PHF20: variants seen among roughly 807,000 people sequenced by gnomAD.
The protein encoded by PHF20 is glioma-expressed antigen 2.
A neutral mutation model predicts 113.5 loss-of-function variants in PHF20; 23 were observed. The ratio of observed to expected loss-of-function variants is 0.20; its 90% CI spans 0.15 to 0.29. The LOEUF is 0.29. Among genes scored for constraint, PHF20 ranks in the 10% least tolerant of loss-of-function variants. PHF20 has a pLI of 1.00. For missense variants in PHF20, 943 were observed against 1,219.6 expected (o/e 0.77, Z 3.38); for synonymous variants, 434 against 457.3 (o/e 0.95, Z 0.65).
At chr20:35,811,620 A>G (rs1432438406) in intron 2 of PHF20, among the ~76,000 whole-genome samples, 1 of 149,578 alleles carries the variant, frequency 6.7e-6, no homozygotes, top group Non-Finnish European at 1.5e-5. Context: ...TTTTTTTTGT[A>G]TTTAGTAGGG....
At chr20:35,786,479 GGAT>G (rs1192800814) in intron 1 of PHF20, among the ~76,000 whole-genome samples, 1 of 152,160 alleles carries the variant, frequency 6.6e-6, no homozygotes, top group East Asian at 1.9e-4. Context: ...CGAGGCGGGT[GGAT>G]CACAAGGCCA....
In PHF20 at chr20:35,817,571, T is replaced by C. The variant is rs10427431; in HGVS notation, c.83+15966T>C. On this transcript the variant is annotated intron_variant, in intron 2 of 17. Coordinates refer to ENST00000374012, the MANE Select transcript of PHF20 (RefSeq NM_016436.5). ...GCACTTTGGGAGGCCAAGGTGGGCA[T>C]ATTGCTTTGAGCTCAGGAGTTCAAC... is the stretch of plus-strand genomic sequence containing the variant. 2.5e-3 allele frequency among the ~76,000 whole-genome samples: 386 copies of C among 151,708 alleles called. 3 individuals are homozygous for C. Among genetic ancestry groups the C allele is most frequent in the African/African-American group, 8.6e-3 (357 of 41,402 alleles).
chr20:35,832,101 A>T (rs6088943), intron 2 of PHF20, among the ~76,000 whole-genome samples: 7,762 of 152,084 alleles, frequency 0.051, 247 homozygotes, highest in Middle Eastern at 0.071. Flanking sequence ...CCTCTGTACT[A>T]TGCTGATTTA....
chr20:35,943,536 AATAT>A (rs754483441), intron 17 of PHF20, among the ~76,000 whole-genome samples: 1 of 148,222 alleles, frequency 6.7e-6, no homozygotes, highest in African/African-American at 2.5e-5. Flanking sequence ...TATTATATGA[AATAT>A]ATATATATAT....
intron 4 of PHF20, 51 bp downstream of exon 4, chr20:35,847,485 G>T: frequency 8.9e-7 from 1 of 1,122,274 alleles, no homozygotes; most frequent in South Asian, 1.3e-5. Context: ...GGTGGTGGGG[G>T]GGGATGTTTG....
chr20:35,815,219 G>A (rs1175202870), intron 2 of PHF20, among the ~76,000 whole-genome samples: 2 of 151,980 alleles, frequency 1.3e-5, no homozygotes, highest in South Asian at 2.1e-4. Flanking sequence ...AAATAAATAA[G>A]TAAATAAATA....
chr20:35,809,544 A>G (rs1438755125), intron 2 of PHF20, among the ~76,000 whole-genome samples: 1 of 148,144 alleles, frequency 6.8e-6, no homozygotes, highest in Non-Finnish European at 1.5e-5. Context: ...GTGCCACTAC[A>G]CTTCAGCCTG....
chr20:35,865,448 A>T (rs548563827), intron 6 of PHF20, among the ~76,000 whole-genome samples: 7 of 151,676 alleles, frequency 4.6e-5, no homozygotes, highest in East Asian at 3.9e-4. Context: ...AATTTTTTTT[A>T]AAGTACTGGA....
intron 4 of PHF20, among the ~76,000 whole-genome samples, chr20:35,849,175 A>G (rs2042674504): frequency 6.6e-6 from 1 of 152,140 alleles, no homozygotes; most frequent in South Asian, 2.1e-4. Context: ...TGAAACAGAA[A>G]GTTAGTGGGG....
At chr20:35,943,609 CTTTATTTA>C (rs746118909) in intron 17 of PHF20, among the ~76,000 whole-genome samples, 3 of 148,724 alleles carry the variant, frequency 2.0e-5, no homozygotes, top group Non-Finnish European at 4.4e-5. Context: ...ATGAATAGTA[CTTTATTTA>C]TTTATTTATT....
chr20:35,798,262 A>C (rs758190241), intron 1 of PHF20, among the ~76,000 whole-genome samples: 1 of 151,722 alleles, frequency 6.6e-6, no homozygotes. Context: ...CCAGATAACA[A>C]ATTAGCTGGG....
At chr20:35,884,869 C>T (rs1252877132) in intron 9 of PHF20, among the ~76,000 whole-genome samples, 8 of 152,128 alleles carry the variant, frequency 5.3e-5, no homozygotes, top group South Asian at 2.1e-4. Context: ...CTCACTCTTT[C>T]GCCCAAGCTG....
At chr20:35,849,523 G>T (rs2042681729) in intron 4 of PHF20, 1 of 469,434 alleles carries the variant, frequency 2.1e-6, no homozygotes, top group Non-Finnish European at 4.4e-6. Flanking sequence ...TTTGTGTGTG[G>T]GATGGATCAG....
At chr20:35,808,365 G>A (rs951486808) in intron 2 of PHF20, among the ~76,000 whole-genome samples, 3 of 151,996 alleles carry the variant, frequency 2.0e-5, no homozygotes, top group African/African-American at 7.3e-5. Flanking sequence ...GACTTTAACA[G>A]GAACGCATCC....
chr20:35,890,356 T>C (rs2054826816), intron 9 of PHF20, among the ~76,000 whole-genome samples: 1 of 152,214 alleles, frequency 6.6e-6, no homozygotes, highest in Non-Finnish European at 1.5e-5. Flanking sequence ...ATATTTTTGC[T>C]GAATGCATAA....
intron 15 of PHF20, among the ~76,000 whole-genome samples, chr20:35,933,144 T>C (rs1398332478): frequency 2.0e-5 from 3 of 152,202 alleles, no homozygotes; most frequent in Admixed American, 1.3e-4. Context: ...TCTTGCTTTA[T>C]TTCCCAGGCT....
intron 13 of PHF20, among the ~76,000 whole-genome samples, chr20:35,924,836 G>A (rs2055595335): frequency 6.6e-6 from 1 of 151,824 alleles, no homozygotes; most frequent in Admixed American, 6.6e-5. Context: ...CCTGACTTCA[G>A]GATATCCTCC....
intron 2 of PHF20, among the ~76,000 whole-genome samples, chr20:35,803,684 A>ATATGTGTGTGTGTG (rs1555917992): frequency 6.9e-5 from 10 of 144,338 alleles, no homozygotes; most frequent in African/African-American, 2.7e-4. Context: ...GTATATATAT[A>ATATGTGTGTGTGTG]TGTGTGTGTG....
chr20:35,883,118 A>C (rs577873069), intron 9 of PHF20, among the ~76,000 whole-genome samples: 6 of 152,062 alleles, frequency 3.9e-5, no homozygotes, highest in Non-Finnish European at 7.4e-5. Flanking sequence ...GGAGGCTGAC[A>C]TGGGAGGATC....
Sources: gnomAD v4.1 joint callset for allele counts (sites outside exome capture counted in the v4.1 genomes callset) on GRCh38, gnomAD v4.1.1 for gene constraint, MANE v1.5 for transcripts, NCBI Gene and HGNC (gene_info 2026-07-23, HGNC 2026-07-21) for gene names.